SLC4A10: variants seen among roughly 807,000 people sequenced by gnomAD.
SLC4A10 encodes the protein solute carrier family 4 member 10, also known as sodium-driven chloride bicarbonate exchanger.
SLC4A10 carries 42 observed loss-of-function variants against 137.7 expected under a neutral mutation model. The observed-to-expected ratio is 0.30, with a 90% CI of 0.24 to 0.39. The LOEUF (loss-of-function observed/expected upper bound fraction) is 0.39. Among genes scored for constraint, SLC4A10 ranks in the 10% least tolerant of loss-of-function variants. The probability of loss-of-function intolerance (pLI) is 1.00; values close to 1 mark genes in which losing one functional copy is unlikely to be tolerated. For synonymous variants in SLC4A10, 474 were observed against 464.1 expected, an observed-to-expected ratio of 1.02 and a Z score of -0.27; for missense variants, 925 against 1,355.0, an observed-to-expected ratio of 0.68 and a Z score of 4.98.
chr2:161,692,226 A>C (rs937003809), intron 1 of SLC4A10, among the ~76,000 whole-genome samples: 1 of 152,084 alleles, frequency 6.6e-6, no homozygotes, highest in Non-Finnish European at 1.5e-5. Context: ...CCTTTTTATA[A>C]ATTAGCATTT....
chr2:161,647,315 A>G (rs1265514035), intron 1 of SLC4A10, among the ~76,000 whole-genome samples: 1 of 152,110 alleles, frequency 6.6e-6, no homozygotes, highest in Non-Finnish European at 1.5e-5. Context: ...GTCAAGGAAC[A>G]TATTTATTTT....
chr2:161,949,045 T>C (rs1694332671), intron 17 of SLC4A10, 103 bp from the exon 18 acceptor site: 6 of 665,270 alleles, frequency 9.0e-6, no homozygotes, highest in East Asian at 8.4e-5. Flanking sequence ...TATTATGATA[T>C]TATGTCATAA....
chr2:161,718,888 G>A (rs558606855), intron 1 of SLC4A10, among the ~76,000 whole-genome samples: 2 of 152,022 alleles, frequency 1.3e-5, no homozygotes, highest in African/African-American at 4.8e-5. Context: ...ACAGCAGGGT[G>A]TTATTATCTC....
At chr2:161,626,732 A>C (rs1244385728) in intron 1 of SLC4A10, among the ~76,000 whole-genome samples, 1 of 152,212 alleles carries the variant, frequency 6.6e-6, no homozygotes, top group Non-Finnish European at 1.5e-5. Flanking sequence ...AACATGTCTA[A>C]GATCACCCAG....
At chr2:161,938,728 C>G (rs894805195) in intron 15 of SLC4A10, among the ~76,000 whole-genome samples, 7 of 149,342 alleles carry the variant, frequency 4.7e-5, no homozygotes, top group Non-Finnish European at 1.0e-4. Flanking sequence ...AAAAGAGAGA[C>G]AAAGCAAATA....
chr2:161,692,719 G>A (rs946624652), intron 1 of SLC4A10, among the ~76,000 whole-genome samples: 3 of 152,012 alleles, frequency 2.0e-5, no homozygotes, highest in African/African-American at 7.2e-5. Flanking sequence ...TTGAGCACTC[G>A]ATCTAAAAAC....
chr2:161,796,278 T>C (rs1437108184), intron 2 of SLC4A10, among the ~76,000 whole-genome samples: 1 of 152,138 alleles, frequency 6.6e-6, no homozygotes, highest in Non-Finnish European at 1.5e-5. Context: ...ATTCTGTAGG[T>C]TGTGAATTTG....
At position 161,706,517 on chromosome 2, in the gene SLC4A10, T is replaced by C. The variant is rs531460953; in HGVS notation, c.49-64456T>C. ...GCCACTTCTTTGGTTCAGGCCATCA[T>C]CATCCCCTGATTGAAATTATTTAAC... On this transcript the variant is annotated intron_variant, in intron 1 of 26. Transcript: ENST00000446997. 1.1e-4 allele frequency among the ~76,000 whole-genome samples: 16 copies of C among 151,690 alleles called. 1 individual carries two copies. The highest frequency in any genetic ancestry group is 3.9e-4 in the African/African-American group (16 of 41,502).
At chr2:161,811,825 C>T (rs761882225) in intron 3 of SLC4A10, among the ~76,000 whole-genome samples, 9 of 151,998 alleles carry the variant, frequency 5.9e-5, no homozygotes, top group Non-Finnish European at 1.3e-4. Context: ...TCTATTCCCT[C>T]TCACCACTCT....
At chr2:161,642,059 A>T (rs2035395032) in intron 1 of SLC4A10, among the ~76,000 whole-genome samples, 1 of 151,972 alleles carries the variant, frequency 6.6e-6, no homozygotes, top group Non-Finnish European at 1.5e-5. Flanking sequence ...CTCTCCTAGC[A>T]ATATAATTCA....
chr2:161,858,338 G>A (rs1248334879), intron 5 of SLC4A10, among the ~76,000 whole-genome samples: 3 of 151,786 alleles, frequency 2.0e-5, no homozygotes, highest in Admixed American at 1.3e-4. Flanking sequence ...TAACAGACTC[G>A]GATAATTCCT....
At chr2:161,933,091 A>C (rs1163978963) in intron 15 of SLC4A10, among the ~76,000 whole-genome samples, 5 of 151,764 alleles carry the variant, frequency 3.3e-5, no homozygotes, top group Non-Finnish European at 7.4e-5. Flanking sequence ...CACAATGTAT[A>C]TATGCCACTT....
chr2:161,877,068 C>A lies in SLC4A10; in HGVS notation c.949-2063C>A, dbSNP rs2061488679. On this transcript the variant is annotated intron_variant, in intron 8 of 26. Transcript: ENST00000446997. ...TAAATTTAAAGATCATATGTAATGA[C>A]CATATATTTTCTTTTACAAAATTTA... 2.0e-5 allele frequency among the ~76,000 whole-genome samples: 3 copies of A among 151,892 alleles called. No individual in the cohort carries two copies. In the East Asian group the frequency reaches 5.8e-4, roughly 29 times the overall value.
intron 1 of SLC4A10, among the ~76,000 whole-genome samples, chr2:161,652,781 C>A (rs999747095): frequency 1.1e-5 from 1 of 93,140 alleles, no homozygotes; most frequent in Non-Finnish European, 2.1e-5. Context: ...TGAAAACCAC[C>A]GTTTATTCTT....
At chr2:161,643,964 T>G (rs2035653953) in intron 1 of SLC4A10, among the ~76,000 whole-genome samples, 2 of 152,276 alleles carry the variant, frequency 1.3e-5, no homozygotes, top group South Asian at 4.1e-4. Context: ...GTATAATTCA[T>G]GATTATGATG....
At chr2:161,778,766 T>TTTAA (rs2052674373) in intron 2 of SLC4A10, among the ~76,000 whole-genome samples, 1 of 151,954 alleles carries the variant, frequency 6.6e-6, no homozygotes, top group Non-Finnish European at 1.5e-5. Flanking sequence ...AATTTAAAGA[T>TTTAA]ACTTTAAAAA....
intron 26 of SLC4A10, among the ~76,000 whole-genome samples, chr2:161,979,134 T>C (rs1425262681): frequency 6.6e-6 from 1 of 152,232 alleles, no homozygotes; most frequent in Non-Finnish European, 1.5e-5. Flanking sequence ...GTTGAGAATT[T>C]GAAACAAACC....
At chr2:161,883,268 T>A (rs2061953882) in intron 10 of SLC4A10, among the ~76,000 whole-genome samples, 1 of 152,144 alleles carries the variant, frequency 6.6e-6, no homozygotes, top group African/African-American at 2.4e-5. Context: ...TTTAATAATG[T>A]TTTTATTGAA....
intron 5 of SLC4A10, 146 bp downstream of exon 5, chr2:161,855,276 C>T (rs557044431): frequency 2.8e-6 from 2 of 717,888 alleles, no homozygotes; most frequent in East Asian, 6.5e-5. Context: ...TTTCTTTTAC[C>T]CTGTTATTTG....
Sources: allele counts gnomAD v4.1 joint callset (sites outside exome capture counted in the v4.1 genomes callset), GRCh38; gene constraint gnomAD v4.1.1; transcripts MANE v1.5; gene names NCBI Gene and HGNC (gene_info 2026-07-23, HGNC 2026-07-21).